The following B4GALT1 variants were observed in gnomAD, a reference collection of about 807,000 sequenced individuals.
B4GALT1 encodes beta-1,4-galactosyltransferase 1, also known as N-acetyllactosamine synthase.
B4GALT1 carries 16 observed loss-of-function variants against 34.9 expected under a neutral mutation model. The observed-to-expected ratio is 0.46, with a 90% CI of 0.31 to 0.70. The LOEUF (loss-of-function observed/expected upper bound fraction) is 0.70, where lower values mean the gene tolerates loss of function less well. Among genes scored for constraint, B4GALT1 ranks in the 30% least tolerant of loss-of-function variants. B4GALT1 has a pLI of 0.05. For missense variants in B4GALT1, 445 were observed against 530.5 expected (o/e 0.84, Z 1.58); for synonymous variants, 221 against 218.1 (o/e 1.01, Z -0.12).
chr9:33,116,570 G>GAGT (rs1228492183), intron 3 of B4GALT1, among the ~76,000 whole-genome samples: 1 of 141,440 alleles, frequency 7.1e-6, no homozygotes, highest in Non-Finnish European at 1.5e-5. Context: ...GCCCAGGCTG[G>GAGT]AGTACAATGG....
intron 2 of B4GALT1, among the ~76,000 whole-genome samples, chr9:33,121,972 C>A (rs538723773): frequency 1.3e-5 from 2 of 152,102 alleles, no homozygotes; most frequent in Non-Finnish European, 2.9e-5. Context: ...GACATTGCCA[C>A]GCCTCACTCT....
In B4GALT1 at chr9:33,111,115, C is replaced by T. The variant is rs1839850340; in HGVS notation, c.*2339G>A. ...GGCATCTCACGGACCAGGCAAACAT[C>T]CAGGCCTAACTGTGCCCTGGCTGTG... On this transcript the variant is annotated 3_prime_UTR_variant, in exon 6 of 6. Transcript: ENST00000379731. 6.6e-6 allele frequency: 1 copy of T among 152,576 alleles called. No homozygotes were observed. The highest frequency in any genetic ancestry group is 1.5e-5 in the Non-Finnish European group (1 of 68,028). 9.5% of individuals were successfully genotyped at this position (152,576 alleles called of 1,614,324 possible).
At chr9:33,153,982 G>A (rs1157015524) in intron 1 of B4GALT1, among the ~76,000 whole-genome samples, 7 of 135,880 alleles carry the variant, frequency 5.2e-5, no homozygotes, top group Non-Finnish European at 9.3e-5. Context: ...GGAGAGGAGG[G>A]GAAAAGAAGG....
intron 4 of B4GALT1, among the ~76,000 whole-genome samples, chr9:33,114,833 G>A (rs1587726880): frequency 6.6e-6 from 1 of 152,120 alleles, no homozygotes. Flanking sequence ...TATCTTTCAA[G>A]AAAGTTGCTC....
At chr9:33,164,968 G>T (rs1441614535) in intron 1 of B4GALT1, among the ~76,000 whole-genome samples, 1 of 105,214 alleles carries the variant, frequency 9.5e-6, no homozygotes, top group Non-Finnish European at 1.8e-5. Context: ...TTGAGTGCCC[G>T]TATTTTTTTT....
intron 2 of B4GALT1, among the ~76,000 whole-genome samples, chr9:33,104,992 G>C (rs1839785080): frequency 6.6e-6 from 1 of 150,562 alleles, no homozygotes; most frequent in Admixed American, 6.6e-5. Context: ...GCTAATTTTT[G>C]TATTTTTAGT....
chr9:33,133,668 A>G (rs987223694), intron 2 of B4GALT1, among the ~76,000 whole-genome samples: 6 of 152,208 alleles, frequency 3.9e-5, no homozygotes, highest in Admixed American at 3.9e-4. Flanking sequence ...GCAGGTGTTC[A>G]TAGGGCCCTG....
chr9:33,166,675 G>T (rs1356618730), intron 1 of B4GALT1, 83 bp downstream of exon 1: 144 of 1,387,640 alleles, frequency 1.0e-4, no homozygotes, highest in Non-Finnish European at 1.3e-4. Context: ...AGAAGAGCCA[G>T]CCTGAGGGAA....
the B4GALT1 span, among the ~76,000 whole-genome samples, chr9:33,178,490 A>G: frequency 6.6e-6 from 1 of 152,190 alleles, no homozygotes; most frequent in African/African-American, 2.4e-5. Context: ...TCAGGATGCT[A>G]TTACCATCTA....
At chr9:33,170,527 T>A (rs1840830845), upstream of B4GALT1, among the ~76,000 whole-genome samples, 1 of 152,086 alleles carries the variant, frequency 6.6e-6, no homozygotes, top group African/African-American at 2.4e-5. Context: ...TTGGTATAGA[T>A]GATAGCCAGG....
intron 1 of B4GALT1, among the ~76,000 whole-genome samples, chr9:33,158,269 G>A (rs1193076482): frequency 6.6e-6 from 1 of 152,166 alleles, no homozygotes; most frequent in African/African-American, 2.4e-5. Flanking sequence ...ATTAGAAAAA[G>A]AATAAAGACC....
intron 1 of B4GALT1, among the ~76,000 whole-genome samples, chr9:33,164,965 C>T (rs542266288): frequency 1.6e-5 from 2 of 124,324 alleles, no homozygotes; most frequent in South Asian, 5.2e-4. Context: ...GTATTGAGTG[C>T]CCGTATTTTT....
intron 2 of B4GALT1, among the ~76,000 whole-genome samples, chr9:33,127,188 C>T (rs1840125027): frequency 6.6e-6 from 1 of 152,098 alleles, no homozygotes; most frequent in South Asian, 2.1e-4. Context: ...TGGTCTCGAT[C>T]TCCTGACCTA....
chr9:33,139,279 C>T (rs1473937728), intron 1 of B4GALT1, among the ~76,000 whole-genome samples: 2 of 152,062 alleles, frequency 1.3e-5, no homozygotes, highest in Non-Finnish European at 2.9e-5. Context: ...TGAAAATTAC[C>T]CTGGTTTAAG....
intron 1 of B4GALT1, among the ~76,000 whole-genome samples, chr9:33,138,923 C>T (rs1840308340): frequency 6.6e-6 from 1 of 152,032 alleles, no homozygotes; most frequent in Admixed American, 6.6e-5. Flanking sequence ...TTCTATTCCC[C>T]CTCCTCTCTC....
chr9:33,153,116 A>C (rs559401163), intron 1 of B4GALT1, among the ~76,000 whole-genome samples: 1 of 152,316 alleles, frequency 6.6e-6, no homozygotes, highest in African/African-American at 2.4e-5. Context: ...TCAGAGAAAC[A>C]TATTAAAACA....
chr9:33,184,884 C>T, the B4GALT1 span, among the ~76,000 whole-genome samples: 2 of 152,144 alleles, frequency 1.3e-5, no homozygotes, highest in Admixed American at 6.6e-5. Flanking sequence ...TCAAGCCAAC[C>T]ACCAGGGAGC....
chr9:33,167,550 G>C (rs1296956391), upstream of B4GALT1, among the ~76,000 whole-genome samples: 3 of 152,232 alleles, frequency 2.0e-5, no homozygotes, highest in Non-Finnish European at 4.4e-5. Context: ...CCGACGCTTG[G>C]CCGCGCACCG....
At chr9:33,122,918 C>T (rs916343548) in intron 2 of B4GALT1, among the ~76,000 whole-genome samples, 3 of 151,918 alleles carry the variant, frequency 2.0e-5, no homozygotes, top group Non-Finnish European at 4.4e-5. Context: ...CTGAGGCGGG[C>T]AGATCACTTG....
Sources: gnomAD v4.1 joint callset for allele counts (sites outside exome capture counted in the v4.1 genomes callset) on GRCh38, gnomAD v4.1.1 for gene constraint, MANE v1.5 for transcripts, NCBI Gene and HGNC (gene_info 2026-07-23, HGNC 2026-07-21) for gene names.